PLSCR2: variants seen among roughly 807,000 people sequenced by gnomAD.
PLSCR2 encodes phospholipid scramblase 2.
In PLSCR2, 18 loss-of-function variants were observed where a neutral mutation model predicts 25.3. The ratio of observed to expected loss-of-function variants is 0.71; its 90% CI spans 0.49 to 1.06. The LOEUF (loss-of-function observed/expected upper bound fraction) is 1.06, where lower values mean the gene tolerates loss of function less well. Among genes scored for constraint, PLSCR2 ranks in the 50% least tolerant of loss-of-function variants. The probability of loss-of-function intolerance (pLI) is 0.00; values close to 1 mark genes in which losing one functional copy is unlikely to be tolerated. For synonymous variants in PLSCR2, 88 were observed against 87.3 expected (o/e 1.01, Z -0.04); for missense variants, 243 against 269.5 (o/e 0.90, Z 0.69).
At chr3:146,479,287 C>T (rs1052363260) in intron 1 of PLSCR2, among the ~76,000 whole-genome samples, 2 of 152,180 alleles carry the variant, frequency 1.3e-5, no homozygotes, top group Admixed American at 6.5e-5. Flanking sequence ...AATTAAAAGA[C>T]ACAGACTGGC....
At chr3:146,420,527 A>C (rs1172843350) in intron 2 of PLSCR2, among the ~76,000 whole-genome samples, 1 of 152,026 alleles carries the variant, frequency 6.6e-6, no homozygotes, top group Non-Finnish European at 1.5e-5. Flanking sequence ...ACCAAGCAAA[A>C]AGATATAAAG....
At chr3:146,392,532 A>AT (rs1489375621) in intron 3 of PLSCR2, among the ~76,000 whole-genome samples, 4 of 151,746 alleles carry the variant, frequency 2.6e-5, no homozygotes, top group Non-Finnish European at 4.4e-5. Flanking sequence ...AGTATTTGAT[A>AT]TTTTTCTTAA....
chr3:146,475,134 C>T (rs536780609), intron 1 of PLSCR2, among the ~76,000 whole-genome samples: 1 of 152,244 alleles, frequency 6.6e-6, no homozygotes, highest in East Asian at 1.9e-4. Flanking sequence ...CTGAAGCCTA[C>T]TCCTGTCAAT....
intron 2 of PLSCR2, among the ~76,000 whole-genome samples, chr3:146,399,118 T>C (rs1441784918): frequency 6.6e-6 from 1 of 151,900 alleles, no homozygotes; most frequent in Non-Finnish European, 1.5e-5. Flanking sequence ...ATTTCCTTTT[T>C]AGGCATGTAT....
At chr3:146,466,183 G>A (rs1277087278) in intron 1 of PLSCR2, among the ~76,000 whole-genome samples, 1 of 152,130 alleles carries the variant, frequency 6.6e-6, no homozygotes. Context: ...TTGTCTTTTG[G>A]TTTTATTGAG....
At chr3:146,399,953 G>A (rs2107994477) in intron 2 of PLSCR2, among the ~76,000 whole-genome samples, 1 of 151,760 alleles carries the variant, frequency 6.6e-6, no homozygotes, top group Non-Finnish European at 1.5e-5. Flanking sequence ...TCATGGAAAA[G>A]GACAGAACAA....
chr3:146,446,242 A>G (rs968845293), intron 6 of PLSCR2, among the ~76,000 whole-genome samples: 15 of 152,150 alleles, frequency 9.9e-5, no homozygotes, highest in African/African-American at 3.4e-4. Context: ...CTGAAGAGTT[A>G]GGTGTTTATT....
chr3:146,423,233 G>GCC (rs1417009938), intron 2 of PLSCR2, among the ~76,000 whole-genome samples: 8 of 36,186 alleles, frequency 2.2e-4, no homozygotes, highest in Non-Finnish European at 2.9e-4. Context: ...TCCTTGCAGT[G>GCC]CCTCTCTCTC....
chr3:146,493,795 T>TG (rs979495881), intron 1 of PLSCR2, among the ~76,000 whole-genome samples: 5 of 149,128 alleles, frequency 3.4e-5, no homozygotes, highest in Non-Finnish European at 7.4e-5. Context: ...TTTTTTTTTT[T>TG]TTTTTTTTTT....
At position 146,480,930 on chromosome 3, in the gene PLSCR2, T is replaced by C. The variant is rs562225264; in HGVS notation, c.-293+14965A>G. Among the ~76,000 whole-genome samples, 5 of 152,234 alleles carry C rather than the reference T, an allele frequency of 3.3e-5. No homozygotes were observed. The South Asian group carries it at 1.0e-3, about 32-fold the overall frequency. On this transcript the variant is annotated intron_variant, in intron 1 of 8. Coordinates refer to the PLSCR2 transcript ENST00000336685. Reference sequence around the variant, plus strand: ...CCTGGGATGCAAGGGTGGTTCAACATATGCAAATCAATAAACATAATCCAT... The same window carrying C: ...CCTGGGATGCAAGGGTGGTTCAACACATGCAAATCAATAAACATAATCCAT...
At chr3:146,481,675 A>G (rs1430351677) in intron 1 of PLSCR2, among the ~76,000 whole-genome samples, 1 of 152,188 alleles carries the variant, frequency 6.6e-6, no homozygotes, top group East Asian at 1.9e-4. Flanking sequence ...TATAGATTCA[A>G]TGCCATTCCC....
At chr3:146,393,027 C>CTTTTT (rs1296969192) in intron 3 of PLSCR2, among the ~76,000 whole-genome samples, 11 of 104,420 alleles carry the variant, frequency 1.1e-4, no homozygotes, top group African/African-American at 2.5e-4. Flanking sequence ...ATTTACATTC[C>CTTTTT]TTTTTTTTTT....
intron 2 of PLSCR2, among the ~76,000 whole-genome samples, chr3:146,420,665 T>C (rs2039117965): frequency 6.6e-6 from 1 of 152,036 alleles, no homozygotes; most frequent in Non-Finnish European, 1.5e-5. Flanking sequence ...GAACATGAAA[T>C]ACAAACAATT....
intron 1 of PLSCR2, among the ~76,000 whole-genome samples, chr3:146,495,725 G>T (rs898950792): frequency 6.6e-6 from 1 of 152,176 alleles, no homozygotes; most frequent in Non-Finnish European, 1.5e-5. Context: ...CCAGTCTATG[G>T]TATTTGTTAC....
chr3:146,458,481 G>A, intron 2 of PLSCR2, 28 bp from the exon 3 acceptor site: 1 of 1,363,294 alleles, frequency 7.3e-7, no homozygotes, highest in Non-Finnish European at 9.8e-7. Flanking sequence ...AAATGAAGTT[G>A]TATGTCAAAT....
In PLSCR2 at chr3:146,478,763, G is replaced by A. The variant is rs58321753; in HGVS notation, c.-293+17132C>T. ...AGAGAACACCACAAAGATACTCCTC[G>A]AGAGGAGCAACCCCAAGACACATAA... On this transcript the variant is annotated intron_variant, in intron 1 of 8. Coordinates refer to the PLSCR2 transcript ENST00000336685. Among the ~76,000 whole-genome samples the A allele has an allele frequency of 9.3e-3, 1,409 of 152,248 alleles. 27 individuals are homozygous for A. The highest frequency in any genetic ancestry group is 0.032 in the African/African-American group (1,320 of 41,530).
intron 2 of PLSCR2, among the ~76,000 whole-genome samples, chr3:146,412,646 C>G (rs2038892934): frequency 6.6e-6 from 1 of 152,186 alleles, no homozygotes; most frequent in South Asian, 2.1e-4. Context: ...GGCAATTTTA[C>G]TTCTATAGAA....
downstream of PLSCR2, among the ~76,000 whole-genome samples, chr3:146,430,521 G>A (rs967547563): frequency 7.9e-5 from 12 of 152,132 alleles, no homozygotes; most frequent in Non-Finnish European, 1.5e-4. Flanking sequence ...AAATCATTCT[G>A]TCCTTAAATG....
chr3:146,476,737 G>T (rs908905092), intron 1 of PLSCR2, among the ~76,000 whole-genome samples: 1 of 152,224 alleles, frequency 6.6e-6, no homozygotes, highest in African/African-American at 2.4e-5. Flanking sequence ...AGCTGTGGCA[G>T]ATCACGACCA....
Sources: gnomAD v4.1 joint callset for allele counts (sites outside exome capture counted in the v4.1 genomes callset) on GRCh38, gnomAD v4.1.1 for gene constraint, MANE v1.5 for transcripts, NCBI Gene and HGNC (gene_info 2026-07-23, HGNC 2026-07-21) for gene names.